Variants in CTNNA3 observed in about 807,000 individuals in gnomAD.
CTNNA3 encodes the protein catenin alpha 3.
CTNNA3 carries 76 observed loss-of-function variants against 95.7 expected under a neutral mutation model. The ratio of observed to expected loss-of-function variants is 0.79; its 90% CI spans 0.66 to 0.96. The LOEUF is 0.96. Among genes scored for constraint, CTNNA3 ranks in the 40% least tolerant of loss-of-function variants. The pLI is 0.00. For missense variants in CTNNA3, 1,191 were observed against 1,089.8 expected, an observed-to-expected ratio of 1.09 and a Z score of -1.31; for synonymous variants, 431 against 374.4, an observed-to-expected ratio of 1.15 and a Z score of -1.74.
chr10:67,503,484 G>A (rs374571288), intron 5 of CTNNA3, among the ~76,000 whole-genome samples: 23 of 151,870 alleles, frequency 1.5e-4, no homozygotes, highest in Admixed American at 6.6e-4. Context: ...TCTCTCTTTC[G>A]TTTAATGGTT....
chr10:67,479,957 C>T (rs1299680477), intron 5 of CTNNA3, among the ~76,000 whole-genome samples: 1 of 152,054 alleles, frequency 6.6e-6, no homozygotes, highest in Non-Finnish European at 1.5e-5. Context: ...CTATTATGAA[C>T]ACCTCAATGC....
intron 11 of CTNNA3, among the ~76,000 whole-genome samples, chr10:66,420,764 ACTCCAGCCTGGGTGACACAGC>A (rs2093185027): frequency 6.6e-6 from 1 of 151,382 alleles, no homozygotes; most frequent in African/African-American, 2.4e-5. Context: ...ATGCCACTGC[ACTCCAGCCTGGGTGACACAGC>A]AAGACTCTGT....
intron 5 of CTNNA3, among the ~76,000 whole-genome samples, chr10:67,463,238 G>A (rs1241878294): frequency 6.6e-6 from 1 of 151,782 alleles, no homozygotes; most frequent in Non-Finnish European, 1.5e-5. Flanking sequence ...TACAAATGAA[G>A]CAATGGGCAC....
At chr10:65,976,281 A>T (rs780265728) in intron 16 of CTNNA3, among the ~76,000 whole-genome samples, 2 of 152,098 alleles carry the variant, frequency 1.3e-5, no homozygotes, top group Non-Finnish European at 2.9e-5. Context: ...ATTAATGTGG[A>T]TTTGTTCCTT....
intron 5 of CTNNA3, 152 bp from the exon 6 acceptor site, chr10:67,220,022 T>C: frequency 1.6e-6 from 1 of 635,564 alleles, no homozygotes. Flanking sequence ...CTATTATTTC[T>C]ACATTCTTTC....
intron 12 of CTNNA3, among the ~76,000 whole-genome samples, chr10:66,309,173 C>T (rs1485185096): frequency 6.6e-6 from 1 of 152,118 alleles, no homozygotes; most frequent in Admixed American, 6.6e-5. Context: ...ATTTTATCTC[C>T]TTAGGTAAAG....
chr10:66,701,192 T>C (rs1454075123), intron 9 of CTNNA3, among the ~76,000 whole-genome samples: 1 of 152,324 alleles, frequency 6.6e-6, no homozygotes, highest in Non-Finnish European at 1.5e-5. Context: ...TAGATCTTTA[T>C]GGACTCTAGT....
intron 5 of CTNNA3, among the ~76,000 whole-genome samples, chr10:67,273,103 A>G (rs1026561837): frequency 6.6e-6 from 1 of 152,168 alleles, no homozygotes; most frequent in Non-Finnish European, 1.5e-5. Context: ...TCATGAGACT[A>G]TGGAGAAGTC....
At position 66,059,527 on chromosome 10, in the gene CTNNA3, G is replaced by A. The variant is rs79578690; in HGVS notation, c.2159+9781C>T. ...CAGAGATGAATTTCTGCACCAGCTC[G>A]TCTGCTCCTAACTGTTATCTTTCCT... On this transcript the variant is annotated intron_variant, in intron 15 of 17. Transcript: ENST00000433211. 3.1e-3 allele frequency among the ~76,000 whole-genome samples: 466 copies of A among 152,096 alleles called. 5 individuals are homozygous for A. The highest frequency in any genetic ancestry group is 0.011 in the African/African-American group (441 of 41,516).
chr10:67,199,872 T>G (rs1395237830), intron 6 of CTNNA3, among the ~76,000 whole-genome samples: 1 of 151,856 alleles, frequency 6.6e-6, no homozygotes, highest in East Asian at 1.9e-4. Context: ...TCCTTTAAAT[T>G]TAACAATACA....
intron 14 of CTNNA3, among the ~76,000 whole-genome samples, chr10:66,085,338 G>C (rs1419234273): frequency 1.3e-5 from 2 of 152,066 alleles, no homozygotes; most frequent in Non-Finnish European, 2.9e-5. Context: ...AGAAGGCACT[G>C]AGGTAGAAAG....
In CTNNA3 at chr10:65,920,537, A is replaced by C; in HGVS notation, c.2481T>G (p.Ile827Met). Reference protein sequence around the residue: ...AVVQTVKMSYIASTKIIRIQS... With the variant: ...AVVQTVKMSYMASTKIIRIQS... ...GGATTCGGATGATCTTGGTTGAGGCAATGTAAGACATTTTCACTGTTTGCA... is the reference window on the plus strand; with the variant it reads ...GGATTCGGATGATCTTGGTTGAGGCCATGTAAGACATTTTCACTGTTTGCA... The change falls in exon 18 of 18, where the codon ATT (isoleucine) becomes ATG (methionine). Residue 827 changes from isoleucine to methionine, a missense_variant. Ile to Met is a conservative substitution (Grantham distance 10, BLOSUM62 1). Coordinates refer to ENST00000433211, the MANE Select transcript of CTNNA3 (RefSeq NM_013266.4). 2 of 1,614,192 alleles carry C rather than the reference A, an allele frequency of 1.2e-6. No homozygotes were observed. Among genetic ancestry groups the C allele is most frequent in the Non-Finnish European group, 1.7e-6 (2 of 1,180,030 alleles).
rs547282705 is a variant in CTNNA3 at position 66,895,187 on chromosome 10, C to T, written c.1048-119663G>A. On this transcript the variant is annotated intron_variant, in intron 7 of 17. Transcript: ENST00000433211. The stretch of plus-strand genomic sequence containing the variant: ...CTAAATATAATCCTTTCGGAGTGAC[C>T]TCTGGTTACATTGGGTCTCAAAGTC... 1.8e-3 allele frequency among the ~76,000 whole-genome samples: 275 copies of T among 152,034 alleles called. 1 individual carries two copies. Among genetic ancestry groups the T allele is most frequent in the Non-Finnish European group, 3.1e-3 (209 of 67,978 alleles).
chr10:66,772,441 A>AAG (rs10604512), intron 8 of CTNNA3, among the ~76,000 whole-genome samples: 1 of 141,456 alleles, frequency 7.1e-6, no homozygotes, highest in Admixed American at 7.1e-5. Flanking sequence ...AAAAAAAAAA[A>AAG]AGAGAGAGAG....
rs140615852 is a variant in CTNNA3 at position 66,317,257 on chromosome 10, A to G, written c.1733-36636T>C. Among the ~76,000 whole-genome samples the G allele has an allele frequency of 1.5e-3, 229 of 152,264 alleles. 1 individual carries two copies. The highest frequency in any genetic ancestry group is 5.2e-3 in the African/African-American group (216 of 41,586). ...TCGTTCAGTATCTGATGGCCAGCAC[A>G]TGCCTTTGAATAATTTTTTTTCCAC... On this transcript the variant is annotated intron_variant, in intron 12 of 17. Transcript: ENST00000433211.
chr10:65,972,963 A>C (rs535328967), intron 16 of CTNNA3, among the ~76,000 whole-genome samples: 8 of 152,158 alleles, frequency 5.3e-5, no homozygotes, highest in African/African-American at 1.9e-4. Context: ...AAACTACACT[A>C]TAAGGCTACA....
chr10:67,039,974 G>C (rs955475436), intron 7 of CTNNA3, among the ~76,000 whole-genome samples: 8 of 152,102 alleles, frequency 5.3e-5, no homozygotes, highest in Non-Finnish European at 1.2e-4. Flanking sequence ...GGGGTTACCA[G>C]TTCCTCAGGA....
intron 3 of CTNNA3, among the ~76,000 whole-genome samples, chr10:67,568,046 G>A (rs181204835): frequency 2.0e-5 from 3 of 152,248 alleles, no homozygotes; most frequent in African/African-American, 7.2e-5. Flanking sequence ...GTCTGGCAGG[G>A]TAGTGGATGT....
chr10:67,615,657 CTTTTTTTTTTT>C (rs746378840), intron 2 of CTNNA3, among the ~76,000 whole-genome samples: 1 of 102,168 alleles, frequency 9.8e-6, no homozygotes, highest in Non-Finnish European at 1.8e-5. Flanking sequence ...GGCAGGTATT[CTTTTTTTTTTT>C]TTTTTTTTTT....
Sources: allele counts gnomAD v4.1 joint callset (sites outside exome capture counted in the v4.1 genomes callset), GRCh38; gene constraint gnomAD v4.1.1; transcripts MANE v1.5; gene names NCBI Gene and HGNC (gene_info 2026-07-23, HGNC 2026-07-21).